The following SLC9A9 variants were observed in gnomAD, a reference collection of about 807,000 sequenced individuals.
SLC9A9 encodes the protein sodium/hydrogen exchanger 9.
Under a neutral mutation model 77.8 loss-of-function variants are expected in SLC9A9, and 62 were observed. The observed-to-expected ratio is 0.80, with a 90% CI of 0.65 to 0.98. The LOEUF (loss-of-function observed/expected upper bound fraction) is 0.98, where lower values mean the gene tolerates loss of function less well. Ranked by LOEUF, SLC9A9 falls within the 50% of genes least tolerant of loss-of-function variation. The probability of loss-of-function intolerance (pLI) is 0.00; values close to 1 mark genes in which losing one functional copy is unlikely to be tolerated. For synonymous variants in SLC9A9, 320 were observed against 283.5 expected, an observed-to-expected ratio of 1.13 and a Z score of -1.29; for missense variants, 775 against 774.9, an observed-to-expected ratio of 1.00 and a Z score of 0.00.
In SLC9A9 at chr3:143,315,407, C is replaced by G. The variant is rs143851240; in HGVS notation, c.1605-46427G>C. Reference sequence around the variant, plus strand: ...CCATCTGGGCAGATATTGTTCAGCTCAGCTTTATAAAGTGTTCTTTGTGCT... The same window carrying G: ...CCATCTGGGCAGATATTGTTCAGCTGAGCTTTATAAAGTGTTCTTTGTGCT... On this transcript the variant is annotated intron_variant, in intron 14 of 15. Transcript: ENST00000316549. 7.3e-3 allele frequency among the ~76,000 whole-genome samples: 1,119 copies of G among 152,308 alleles called. 10 individuals are homozygous for G. Among genetic ancestry groups the G allele is most frequent in the African/African-American group, 0.025 (1,040 of 41,550 alleles).
chr3:143,689,760 T>C (rs569433953), intron 5 of SLC9A9, among the ~76,000 whole-genome samples: 5 of 152,152 alleles, frequency 3.3e-5, no homozygotes, highest in African/African-American at 1.2e-4. Context: ...ATACTGTTAA[T>C]TAAATAAAAG....
chr3:143,592,883 C>G (rs2037675308), intron 6 of SLC9A9, among the ~76,000 whole-genome samples: 1 of 152,134 alleles, frequency 6.6e-6, no homozygotes, highest in African/African-American at 2.4e-5. Flanking sequence ...TTCAAAAGAT[C>G]CACTGTCTGC....
At chr3:143,523,571 G>A (rs1391172055) in intron 9 of SLC9A9, among the ~76,000 whole-genome samples, 2 of 152,140 alleles carry the variant, frequency 1.3e-5, no homozygotes, top group African/African-American at 4.8e-5. Flanking sequence ...CTCTTCGGTT[G>A]CATGCTGTGT....
chr3:143,319,550 G>A (rs1204781838), intron 14 of SLC9A9, among the ~76,000 whole-genome samples: 1 of 152,152 alleles, frequency 6.6e-6, no homozygotes, highest in East Asian at 1.9e-4. Flanking sequence ...TCTTCCCCGC[G>A]TTTTCATCTG....
chr3:143,641,595 A>G (rs956294871), intron 6 of SLC9A9, among the ~76,000 whole-genome samples: 2 of 151,908 alleles, frequency 1.3e-5, no homozygotes, highest in Non-Finnish European at 2.9e-5. Flanking sequence ...GGGTTTCACC[A>G]TGTTAGCCAG....
intron 6 of SLC9A9, among the ~76,000 whole-genome samples, chr3:143,639,314 G>A (rs895131050): frequency 4.6e-5 from 7 of 152,174 alleles, no homozygotes; most frequent in Admixed American, 4.6e-4. Context: ...TGAGGCAGAA[G>A]TCAAGATTGG....
intron 14 of SLC9A9, among the ~76,000 whole-genome samples, chr3:143,294,870 G>C (rs1190716381): frequency 6.6e-6 from 1 of 152,188 alleles, no homozygotes; most frequent in South Asian, 2.1e-4. Context: ...AGGATTATGT[G>C]TAAAATAACA....
intron 12 of SLC9A9, among the ~76,000 whole-genome samples, chr3:143,446,156 A>G (rs574577804): frequency 2.6e-5 from 4 of 152,176 alleles, no homozygotes; most frequent in East Asian, 1.9e-4. Context: ...GATATGAGGG[A>G]AAAAAAGAGA....
At chr3:143,664,874 A>C (rs1242051) in intron 5 of SLC9A9, among the ~76,000 whole-genome samples, 4,794 of 152,328 alleles carry the variant, frequency 0.031, 108 homozygotes, top group Middle Eastern at 0.088. Flanking sequence ...AGACTCCCAC[A>C]CAATAATAAT....
intron 13 of SLC9A9, among the ~76,000 whole-genome samples, chr3:143,366,632 C>T (rs2032909798): frequency 2.0e-5 from 3 of 152,016 alleles, no homozygotes; most frequent in East Asian, 3.9e-4. Flanking sequence ...TATACTTGAA[C>T]ACTTGCCATA....
rs546057540 is a variant in SLC9A9 at position 143,495,255 on chromosome 3, T to C, written c.1203+80A>G. 4 of 1,240,878 alleles carry C rather than the reference T, an allele frequency of 3.2e-6. No homozygotes were observed. The South Asian group carries it at 4.9e-5, about 15-fold the overall frequency. 76.9% of individuals were successfully genotyped at this position (1,240,878 alleles called of 1,614,324 possible). A position where few individuals can be genotyped will look rare whatever the true frequency, so the allele number is the denominator to read the frequency against. On this transcript the variant is annotated intron_variant, in intron 10 of 15. Coordinates refer to ENST00000316549, the MANE Select transcript of SLC9A9 (RefSeq NM_173653.4). ...AGTGGACTTTAGGAAAGTGCTTTAA[T>C]GATTTAACAGAATAATTCGTAAAAG...
intron 11 of SLC9A9, among the ~76,000 whole-genome samples, chr3:143,480,513 A>G (rs576352998): frequency 1.3e-5 from 2 of 152,316 alleles, no homozygotes; most frequent in South Asian, 4.1e-4. Context: ...TGATTGCTTG[A>G]CACAGTTGTT....
chr3:143,456,511 G>A (rs1450339808), intron 12 of SLC9A9, among the ~76,000 whole-genome samples: 4 of 151,566 alleles, frequency 2.6e-5, no homozygotes, highest in African/African-American at 4.8e-5. Flanking sequence ...GAAACCATCT[G>A]GGCTTGTAGT....
intron 2 of SLC9A9, among the ~76,000 whole-genome samples, chr3:143,825,971 A>G (rs922065766): frequency 5.3e-5 from 8 of 152,140 alleles, no homozygotes; most frequent in Non-Finnish European, 1.2e-4. Context: ...TTAAAACCAC[A>G]TTTGTGACCA....
intron 6 of SLC9A9, among the ~76,000 whole-genome samples, chr3:143,624,089 C>T (rs2038272884): frequency 6.6e-6 from 1 of 152,172 alleles, no homozygotes; most frequent in African/African-American, 2.4e-5. Context: ...TCTGAATAGA[C>T]CAATAACAGG....
rs1470047763 is a variant in SLC9A9, at chr3:143,659,094, GAC to G, written c.650-6736_650-6735del. On this transcript the variant is annotated intron_variant, in intron 5 of 15. Transcript: ENST00000316549. The stretch of plus-strand genomic sequence containing the variant: ...ACATGCCCAGTATCTGAGTGACGAT[GAC>G]TCACCCCTTCATACAAGCATTTTCC... Among the ~76,000 whole-genome samples the G allele has an allele frequency of 2.0e-5, 3 of 152,132 alleles. No individual in the cohort carries two copies. The East Asian group carries it at 5.8e-4, about 29-fold the overall frequency.
chr3:143,781,476 C>T (rs1355717214), intron 4 of SLC9A9, among the ~76,000 whole-genome samples: 1 of 152,148 alleles, frequency 6.6e-6, no homozygotes, highest in African/African-American at 2.4e-5. Context: ...CAATATTTCT[C>T]ATACGTTGTA....
At chr3:143,474,539 A>G (rs1407330529) in intron 11 of SLC9A9, among the ~76,000 whole-genome samples, 1 of 152,004 alleles carries the variant, frequency 6.6e-6, no homozygotes, top group African/African-American at 2.4e-5. Context: ...GATGGGTCAG[A>G]TGAGGGGTAT....
intron 5 of SLC9A9, among the ~76,000 whole-genome samples, chr3:143,685,891 G>A (rs1401345930): frequency 6.6e-6 from 1 of 152,136 alleles, no homozygotes; most frequent in Non-Finnish European, 1.5e-5. Context: ...ATAAACAGAA[G>A]AAAGAAATAT....
Sources: gnomAD v4.1 joint callset for allele counts (sites outside exome capture counted in the v4.1 genomes callset) on GRCh38, gnomAD v4.1.1 for gene constraint, MANE v1.5 for transcripts, NCBI Gene and HGNC (gene_info 2026-07-23, HGNC 2026-07-21) for gene names.